Variants in BMAL1 observed in about 807,000 individuals in gnomAD.
BMAL1 encodes basic helix-loop-helix ARNT like 1, also known as basic helix-loop-helix ARNT-like protein 1.
chr11:13,379,784 A>G, the BMAL1 span: 1 of 152,224 alleles, frequency 6.6e-6, no homozygotes, highest in East Asian at 1.9e-4. Context: ...CAGGGTCAAG[A>G]AACAAGCTAC....
chr11:13,385,941 T>C, the BMAL1 span: 1 of 674,962 alleles, frequency 1.5e-6, no homozygotes, highest in Non-Finnish European at 2.4e-6. Flanking sequence ...TTTAAATCTC[T>C]AAAAAGTTGA....
the BMAL1 span, among the ~76,000 whole-genome samples, chr11:13,285,283 G>A: frequency 6.6e-6 from 1 of 152,238 alleles, no homozygotes; most frequent in South Asian, 2.1e-4. Flanking sequence ...CCACTCTCCA[G>A]TTTCACTCAG....
chr11:13,336,917 A>G, the BMAL1 span, among the ~76,000 whole-genome samples: 9 of 152,300 alleles, frequency 5.9e-5, no homozygotes, highest in South Asian at 1.4e-3. Context: ...TGTTACTCCT[A>G]TCTGGAAACT....
chr11:13,328,940 G>A, the BMAL1 span, among the ~76,000 whole-genome samples: 10 of 152,152 alleles, frequency 6.6e-5, no homozygotes, highest in African/African-American at 2.2e-4. Context: ...TAATACTGCT[G>A]TAGGGATTGA....
chr11:13,338,356 G>A, the BMAL1 span, among the ~76,000 whole-genome samples: 1 of 152,194 alleles, frequency 6.6e-6, no homozygotes, highest in Admixed American at 6.5e-5. Context: ...ACTCGTTATA[G>A]ATTACATCAT....
the BMAL1 span, among the ~76,000 whole-genome samples, chr11:13,328,127 A>C: frequency 2.0e-5 from 3 of 152,216 alleles, no homozygotes; most frequent in African/African-American, 7.2e-5. Flanking sequence ...GCTGATTTGC[A>C]CATAAACACA....
chr11:13,339,459 G>GCACACACACA, the BMAL1 span, among the ~76,000 whole-genome samples: 1 of 53,864 alleles, frequency 1.9e-5, no homozygotes, highest in Non-Finnish European at 4.2e-5. Flanking sequence ...ACACACACAT[G>GCACACACACA]GTATCTTCTC....
At chr11:13,299,545 A>C in the BMAL1 span, among the ~76,000 whole-genome samples, 2 of 152,172 alleles carry the variant, frequency 1.3e-5, no homozygotes, top group African/African-American at 4.8e-5. Flanking sequence ...CTGTAATGCC[A>C]GGGCAATTAC....
chr11:13,284,140 ATATGTG>A, the BMAL1 span, among the ~76,000 whole-genome samples: 6 of 49,602 alleles, frequency 1.2e-4, no homozygotes, highest in Admixed American at 2.7e-4. Flanking sequence ...ATATATATAT[ATATGTG>A]TATATATATA....
At chr11:13,350,608 G>C in the BMAL1 span, among the ~76,000 whole-genome samples, 1 of 152,154 alleles carries the variant, frequency 6.6e-6, no homozygotes, top group Admixed American at 6.6e-5. Context: ...ATCAATAAAG[G>C]TGTATTTCAA....
chr11:13,361,495 T>C, the BMAL1 span, among the ~76,000 whole-genome samples: 1 of 152,204 alleles, frequency 6.6e-6, no homozygotes, highest in Non-Finnish European at 1.5e-5. Flanking sequence ...AGCAGAAGTT[T>C]GCAAAGCTCT....
the BMAL1 span, chr11:13,354,206 C>A: frequency 2.3e-6 from 2 of 880,508 alleles, no homozygotes; most frequent in Non-Finnish European, 1.6e-6. Flanking sequence ...CCCGGCCCCC[C>A]ACCACCAAAC....
At chr11:13,351,524 A>G in the BMAL1 span, among the ~76,000 whole-genome samples, 1 of 152,178 alleles carries the variant, frequency 6.6e-6, no homozygotes, top group Non-Finnish European at 1.5e-5. Context: ...GAATTGTTGC[A>G]GTGTTGATAG....
the BMAL1 span, among the ~76,000 whole-genome samples, chr11:13,334,531 T>TG: frequency 1.3e-5 from 2 of 151,282 alleles, no homozygotes; most frequent in Non-Finnish European, 3.0e-5. Context: ...TCTTGATGTT[T>TG]TTTTTTTTTT....
the BMAL1 span, among the ~76,000 whole-genome samples, chr11:13,326,243 C>T: frequency 2.0e-5 from 3 of 151,756 alleles, no homozygotes; most frequent in Non-Finnish European, 1.5e-5. Context: ...TGATCTGTTA[C>T]AGACTGAACT....
chr11:13,301,488 A>G, the BMAL1 span, among the ~76,000 whole-genome samples: 3 of 152,186 alleles, frequency 2.0e-5, 1 homozygote. Context: ...AGTCAGCTCC[A>G]TCCTTTTAGA....
the BMAL1 span, chr11:13,374,016 AG>A: frequency 7.8e-7 from 1 of 1,278,160 alleles, no homozygotes; most frequent in Non-Finnish European, 1.1e-6. Flanking sequence ...AGGCTGTAGC[AG>A]GGTTTATCCA....
chr11:13,378,523 T>C, the BMAL1 span: 1 of 1,546,128 alleles, frequency 6.5e-7, no homozygotes, highest in Non-Finnish European at 8.7e-7. Flanking sequence ...GGCAATATTT[T>C]GCAATGTCAG....
At chr11:13,283,711 A>G in the BMAL1 span, among the ~76,000 whole-genome samples, 1 of 152,150 alleles carries the variant, frequency 6.6e-6, no homozygotes, top group African/African-American at 2.4e-5. Flanking sequence ...AGCCTCTTTT[A>G]GAGCGGAGCT....
Sources: gnomAD v4.1 joint callset for allele counts (sites outside exome capture counted in the v4.1 genomes callset) on GRCh38, gnomAD v4.1.1 for gene constraint, MANE v1.5 for transcripts, NCBI Gene and HGNC (gene_info 2026-07-23, HGNC 2026-07-21) for gene names.